Variants in RIMS3 observed in about 807,000 individuals in gnomAD.
RIMS3 encodes the protein regulating synaptic membrane exocytosis 3.
RIMS3 carries 15 observed loss-of-function variants against 29.2 expected under a neutral mutation model. That is an observed-to-expected ratio of 0.51 (90% CI 0.34 to 0.79). RIMS3 has a LOEUF of 0.79. Ranked by LOEUF, RIMS3 falls within the 30% of genes least tolerant of loss-of-function variation. The pLI, the probability that RIMS3 is intolerant of heterozygous loss-of-function variation, is 0.01. For synonymous variants in RIMS3, 161 were observed against 170.1 expected, an observed-to-expected ratio of 0.95 and a Z score of 0.41; for missense variants, 342 against 421.4, an observed-to-expected ratio of 0.81 and a Z score of 1.65.
chr1:40,642,002 GA>G, intron 2 of RIMS3, 46 bp from the exon 3 acceptor site: 1 of 1,236,354 alleles, frequency 8.1e-7, no homozygotes, highest in East Asian at 2.5e-5. Context: ...AGACCTGGAT[GA>G]ATCTACTGCA....
intron 7 of RIMS3, among the ~76,000 whole-genome samples, chr1:40,627,100 T>C (rs1646459396): frequency 6.6e-6 from 1 of 152,160 alleles, no homozygotes; most frequent in African/African-American, 2.4e-5. Context: ...GCATTTCAGA[T>C]AACAGCCTTC....
At chr1:40,682,741 C>CTTTTTTTTTTTTTTTTTTT in the RIMS3 span, among the ~76,000 whole-genome samples, 573 of 77,440 alleles carry the variant, frequency 7.4e-3, 118 homozygotes, top group African/African-American at 9.0e-3. Flanking sequence ...CTTTGCAGAT[C>CTTTTTTTTTTTTTTTTTTT]TTTTTTTTTT....
At chr1:40,653,091 T>G (rs1046295225) in intron 1 of RIMS3, among the ~76,000 whole-genome samples, 1 of 152,150 alleles carries the variant, frequency 6.6e-6, no homozygotes, top group African/African-American at 2.4e-5. Context: ...AATTCCCAGT[T>G]TAGTCCCGAT....
At chr1:40,651,234 G>A (rs1234800679) in intron 1 of RIMS3, among the ~76,000 whole-genome samples, 1 of 152,190 alleles carries the variant, frequency 6.6e-6, no homozygotes, top group Non-Finnish European at 1.5e-5. Flanking sequence ...AGAAGGGTGG[G>A]TCCCTCATCC....
chr1:40,654,580 A>G lies in RIMS3; in HGVS notation c.-206-6738T>C, dbSNP rs545454659. Among the ~76,000 whole-genome samples, 2 of 152,142 alleles carry G rather than the reference A, an allele frequency of 1.3e-5. No homozygotes were observed. The highest frequency in any genetic ancestry group is 3.9e-4 in the East Asian group (2 of 5,158). On this transcript the variant is annotated intron_variant, in intron 1 of 7. Coordinates refer to ENST00000372684, the MANE Select transcript of RIMS3 (RefSeq NM_014747.3). The surrounding 1 kb of genome is among the most constrained non-coding windows in gnomAD (Gnocchi z 5.3). ...ATGCACACAAAAACACACCTTGTGC[A>G]CCACAGACTCACATGGCATGGAGAT...
At chr1:40,647,958 C>G (rs541861970) in intron 1 of RIMS3, 116 bp from the exon 2 acceptor site, 1 of 152,190 alleles carries the variant, frequency 6.6e-6, no homozygotes, top group Non-Finnish European at 1.5e-5. Context: ...TGACCTTGAG[C>G]AAATCATTTA....
intron 7 of RIMS3, 82 bp downstream of exon 7, chr1:40,628,728 G>T: frequency 6.3e-7 from 1 of 1,578,046 alleles, no homozygotes; most frequent in Non-Finnish European, 8.7e-7. Flanking sequence ...ACCTGGCACA[G>T]GATGAATCAT....
At chr1:40,674,810 A>C in the RIMS3 span, among the ~76,000 whole-genome samples, 1 of 152,304 alleles carries the variant, frequency 6.6e-6, no homozygotes, top group East Asian at 1.9e-4. Context: ...TAAACCTTAG[A>C]CTTACCAGGC....
chr1:40,672,076 T>C, the RIMS3 span, among the ~76,000 whole-genome samples: 1 of 151,954 alleles, frequency 6.6e-6, no homozygotes, highest in South Asian at 2.1e-4. Flanking sequence ...CTTTATAAAT[T>C]ACCCAGTCTC....
chr1:40,649,606 ATG>A (rs1646617882), intron 1 of RIMS3, among the ~76,000 whole-genome samples: 1 of 152,206 alleles, frequency 6.6e-6, no homozygotes, highest in Non-Finnish European at 1.5e-5. Flanking sequence ...GCTTGAACAC[ATG>A]CACAATCATA....
At chr1:40,638,569 T>C (rs1335019206) in intron 3 of RIMS3, among the ~76,000 whole-genome samples, 1 of 152,206 alleles carries the variant, frequency 6.6e-6, no homozygotes, top group Non-Finnish European at 1.5e-5. Context: ...TCTTCTGGAA[T>C]GGTCCTGAGC....
chr1:40,670,370 A>G (rs1413126318), upstream of RIMS3, among the ~76,000 whole-genome samples: 3 of 151,530 alleles, frequency 2.0e-5, no homozygotes, highest in African/African-American at 7.3e-5. Context: ...TCCCATCTGA[A>G]GCTTGAATAG....
At chr1:40,666,391 A>G (rs1642425712), upstream of RIMS3, among the ~76,000 whole-genome samples, 1 of 152,204 alleles carries the variant, frequency 6.6e-6, no homozygotes, top group Non-Finnish European at 1.5e-5. Context: ...ACACGCCTTC[A>G]ATGCACAGGA....
At chr1:40,679,660 C>A in the RIMS3 span, among the ~76,000 whole-genome samples, 1 of 152,126 alleles carries the variant, frequency 6.6e-6, no homozygotes, top group African/African-American at 2.4e-5. Flanking sequence ...TGAGCCAAAT[C>A]AGGGGACTCA....
At chr1:40,691,585 T>A in the RIMS3 span, 29 of 338,140 alleles carry the variant, frequency 8.6e-5, no homozygotes, top group African/African-American at 5.2e-4. Context: ...TCATTCCGCC[T>A]CCCTCTGTCG....
upstream of RIMS3, among the ~76,000 whole-genome samples, chr1:40,666,184 A>C (rs1476964562): frequency 6.6e-6 from 1 of 152,220 alleles, no homozygotes; most frequent in Non-Finnish European, 1.5e-5. Flanking sequence ...CCTTTCAGAC[A>C]GAAGGAAGTA....
rs1486758049 is a variant in RIMS3 at position 40,636,036 on chromosome 1, C to A, written c.239G>T (p.Arg80Leu). Residue 80 changes from arginine to leucine, a missense_variant, in exon 4 of 8, where the codon CGC becomes CTC. Arg to Leu is a moderately radical substitution (Grantham distance 102). Transcript: ENST00000372684. This position sits in a 1 kb window ranked among gnomAD's most constrained non-coding sequence, Gnocchi z 4.2. ...CTCCGTGCTCCGGCGGATGTTGCTG[C>A]GCAGCTTCTTGGTGGCCCCTTCTGT... ...PQPEGATKKL[R>L]SNIRRSTETG... 1 of 1,605,110 alleles carries A rather than the reference C, an allele frequency of 6.2e-7. No homozygotes were observed. Among genetic ancestry groups the A allele is most frequent in the Non-Finnish European group, 8.5e-7 (1 of 1,179,952 alleles).
At chr1:40,628,296 G>A (rs1291162362) in intron 7 of RIMS3, among the ~76,000 whole-genome samples, 4 of 152,202 alleles carry the variant, frequency 2.6e-5, no homozygotes, top group African/African-American at 7.2e-5. Context: ...CAGGACTGTT[G>A]AGAAGGGCTA....
At chr1:40,665,267 CGCCCCT>C (rs1441694012) in intron 1 of RIMS3, 121 bp downstream of exon 1, 1 of 151,564 alleles carries the variant, frequency 6.6e-6, no homozygotes, top group Non-Finnish European at 1.5e-5. Flanking sequence ...CCCCCACCCC[CGCCCCT>C]GCACACTCAC....
Sources: allele counts gnomAD v4.1 joint callset (sites outside exome capture counted in the v4.1 genomes callset), GRCh38; gene constraint gnomAD v4.1.1; non-coding constraint Gnocchi (gnomAD v3.1); transcripts MANE v1.5; gene names NCBI Gene and HGNC (gene_info 2026-07-23, HGNC 2026-07-21).